The following FLNB variants were observed in gnomAD, a reference collection of about 807,000 sequenced individuals.
FLNB encodes filamin B.
In FLNB, 111 loss-of-function variants were observed where a neutral mutation model predicts 250.6. The observed-to-expected ratio is 0.44, with a 90% CI of 0.38 to 0.52. The LOEUF (loss-of-function observed/expected upper bound fraction) is 0.52, where lower values mean the gene tolerates loss of function less well. FLNB is among the 20% of genes least tolerant of loss of function. The pLI is 0.00. For synonymous variants in FLNB, 1,302 were observed against 1,372.1 expected (o/e 0.95, Z 1.13); for missense variants, 2,869 against 3,447.8 (o/e 0.83, Z 4.20).
chr3:58,074,352 C>G (rs538706531), intron 1 of FLNB, among the ~76,000 whole-genome samples: 107 of 152,312 alleles, frequency 7.0e-4, no homozygotes, highest in Middle Eastern at 3.4e-3. Flanking sequence ...GCAGGTCTTG[C>G]TCCCCTAGGA....
intron 1 of FLNB, among the ~76,000 whole-genome samples, chr3:58,042,647 T>A (rs1340183841): frequency 2.0e-5 from 3 of 152,042 alleles, no homozygotes. Context: ...CCCAAGTAGC[T>A]GGGAGGCTAC....
Position 58,164,444 on chromosome 3 carries a change from CTT to C in FLNB, c.7198+1115_7198+1116del, listed in dbSNP as rs1218905791. 1.3e-5 allele frequency: 2 copies of C among 152,282 alleles called. No homozygotes were observed. Among genetic ancestry groups the C allele is most frequent in the Admixed American group, 1.3e-4 (2 of 15,280 alleles). The allele number at this position is 152,282 out of a possible 1,614,324, so 9.4% of individuals were successfully genotyped here. A position where few individuals can be genotyped will look rare whatever the true frequency, so the allele number is the denominator to read the frequency against. On this transcript the variant is annotated intron_variant, in intron 43 of 45. Coordinates refer to ENST00000295956, the MANE Select transcript of FLNB (RefSeq NM_001457.4). The surrounding 1 kb of genome is among the most constrained non-coding windows in gnomAD (Gnocchi z 4.0). ...CAGTATGTCCTGGTTTCTTGAGTCT[CTT>C]GTGTGTGTACCCCCACCCCGCATAA...
chr3:58,045,064 T>A (rs1381499070), intron 1 of FLNB, among the ~76,000 whole-genome samples: 2 of 152,220 alleles, frequency 1.3e-5, no homozygotes, highest in African/African-American at 4.8e-5. Context: ...TTTGTAGGGA[T>A]GAGCCTGGGT....
chr3:58,082,730 C>T (rs1384963278), intron 4 of FLNB, among the ~76,000 whole-genome samples: 5 of 151,694 alleles, frequency 3.3e-5, no homozygotes, highest in African/African-American at 1.2e-4. Flanking sequence ...GAGATCTTGC[C>T]ACTGCACTCC....
At chr3:58,127,238 G>A (rs994397064) in intron 24 of FLNB, among the ~76,000 whole-genome samples, 12 of 151,614 alleles carry the variant, frequency 7.9e-5, no homozygotes, top group Admixed American at 6.6e-4. Flanking sequence ...GTGATGGGAC[G>A]ATGTCTGAGA....
chr3:58,095,731 A>G (rs1017988743), intron 5 of FLNB, among the ~76,000 whole-genome samples: 6 of 152,186 alleles, frequency 3.9e-5, no homozygotes, highest in Non-Finnish European at 8.8e-5. Context: ...TTGCAATTCT[A>G]AGTTTACAGA....
intron 4 of FLNB, among the ~76,000 whole-genome samples, chr3:58,084,573 T>TC (rs34942479): frequency 1.3e-4 from 19 of 151,124 alleles, no homozygotes; most frequent in African/African-American, 4.4e-4. Flanking sequence ...AATTTTTTTT[T>TC]ATATGTGTGC....
intron 20 of FLNB, among the ~76,000 whole-genome samples, chr3:58,121,770 C>T (rs2097289130): frequency 6.6e-6 from 1 of 152,166 alleles, no homozygotes; most frequent in Non-Finnish European, 1.5e-5. Context: ...CACTACAAAG[C>T]CAGCCTGTAA....
rs138736092 is a variant in FLNB at position 58,169,414 on chromosome 3, T to C, written c.7418-176T>C. 0.013 allele frequency: 8,635 copies of C among 645,624 alleles called. 94 individuals carry two copies. Among genetic ancestry groups the C allele is most frequent in the Non-Finnish European group, 0.019 (6,531 of 352,350 alleles). 40.0% of individuals were successfully genotyped at this position (645,624 alleles called of 1,614,324 possible). A position where few individuals can be genotyped will look rare whatever the true frequency, so the allele number is the denominator to read the frequency against. ...AAGCCAGATCCTAGTTGTATGGGGGTGGGATCCTAGGGGTTTAGAAGACAT... is the reference window on the plus strand; with the variant it reads ...AAGCCAGATCCTAGTTGTATGGGGGCGGGATCCTAGGGGTTTAGAAGACAT... On this transcript the variant is annotated intron_variant, in intron 44 of 45. Coordinates refer to ENST00000295956, the MANE Select transcript of FLNB (RefSeq NM_001457.4). This position sits in a 1 kb window ranked among gnomAD's most constrained non-coding sequence, Gnocchi z 4.8.
At chr3:58,070,622 A>G (rs2097192828) in intron 1 of FLNB, among the ~76,000 whole-genome samples, 1 of 149,616 alleles carries the variant, frequency 6.7e-6, no homozygotes, top group African/African-American at 2.5e-5. Context: ...GGCCTTGGTA[A>G]CTTGTGTCAA....
At chr3:58,076,717 C>G (rs776813321) in intron 1 of FLNB, among the ~76,000 whole-genome samples, 3 of 152,048 alleles carry the variant, frequency 2.0e-5, no homozygotes, top group Non-Finnish European at 2.9e-5. Context: ...GCCTCGGCCT[C>G]CCAAAAGTGC....
chr3:58,156,877 C>T (rs539864601), intron 41 of FLNB, among the ~76,000 whole-genome samples: 31 of 152,166 alleles, frequency 2.0e-4, no homozygotes, highest in African/African-American at 5.8e-4. Flanking sequence ...TTGGATTTTT[C>T]GTAGAGATGG....
rs1396437130 is a variant in FLNB, at chr3:58,163,268, G to C, written c.7136G>C (p.Gly2379Ala). ...SPFKVRVGEP[G>A]QAGNPALVSA... ...TTCAAAGTGCGCGTTGGGGAGCCTG[G>C]ACAAGCGGGGAACCCTGCCCTGGTG... The change falls in exon 43 of 46, where the codon GGA (glycine) becomes GCA (alanine). Residue 2379 changes from glycine (G) to alanine (A), a missense_variant. Coordinates refer to ENST00000295956, the MANE Select transcript of FLNB (RefSeq NM_001457.4). The C allele has an allele frequency of 1.2e-6, 2 of 1,614,252 alleles. No homozygotes were observed. Among genetic ancestry groups the C allele is most frequent in the East Asian group, 4.5e-5 (2 of 44,890 alleles).
At chr3:58,148,564 A>G in intron 35 of FLNB, 85 bp from the exon 36 acceptor site, 1 of 1,308,216 alleles carries the variant, frequency 7.6e-7, no homozygotes, top group South Asian at 1.2e-5. Context: ...AGGAAAGAGG[A>G]CATATTTCTA....
Position 58,121,758 on chromosome 3 carries a change from C to T in FLNB, c.3126+255C>T, listed in dbSNP as rs1476130243. Among the ~76,000 whole-genome samples the T allele has an allele frequency of 5.3e-5, 8 of 152,282 alleles. No homozygotes were observed. In the East Asian group the frequency reaches 1.5e-3, roughly 29 times the overall value. ...TTCGCTTGTTAGCATAATCACAGTC[C>T]TCACTACAAAGCCAGCCTGTAAGGG... On this transcript the variant is annotated intron_variant, in intron 20 of 45. Transcript: ENST00000295956.
chr3:58,097,896 A>G lies in FLNB; in HGVS notation c.1066A>G (p.Lys356Glu). The G allele has an allele frequency of 6.2e-7, 1 of 1,614,188 alleles. No homozygotes were observed. The highest frequency in any genetic ancestry group is 8.5e-7 in the Non-Finnish European group (1 of 1,180,014). ...SVDKAQGDASKVTAKGPGLEA... is the reference protein window; with the variant it reads ...SVDKAQGDASEVTAKGPGLEA... The stretch of plus-strand genomic sequence containing the variant: ...TGACAAGGCCCAGGGAGATGCCAGT[A>G]AAGTCACTGCAAAAGGTCCAGGGTT... The change falls in exon 7 of 46, where the codon AAA becomes GAA. Residue 356 changes from lysine (K) to glutamate (E), a missense_variant. By Grantham distance (56) the Lys-to-Glu change is moderately conservative (BLOSUM62 1). Coordinates refer to ENST00000295956, the MANE Select transcript of FLNB (RefSeq NM_001457.4).
intron 1 of FLNB, among the ~76,000 whole-genome samples, chr3:58,033,238 C>A (rs1339696060): frequency 6.6e-6 from 1 of 152,192 alleles, no homozygotes; most frequent in Non-Finnish European, 1.5e-5. Flanking sequence ...CCCTATCCAG[C>A]CCCAGAAGTT....
intron 1 of FLNB, among the ~76,000 whole-genome samples, chr3:58,032,232 CTGTT>C (rs1330632588): frequency 3.3e-5 from 5 of 152,114 alleles, no homozygotes; most frequent in Admixed American, 1.3e-4. Flanking sequence ...TGTGCCCGGC[CTGTT>C]TGTTTGTTTT....
At position 58,099,427 on chromosome 3, in the gene FLNB, A is replaced by G. The variant is rs148271064; in HGVS notation, c.1345+519A>G. On this transcript the variant is annotated intron_variant, in intron 8 of 45. Transcript: ENST00000295956. ...ACAAGGCATCAGCAGGGCTAGAACCACAGACTCTGTTGGCCTTACCCTTAA... is the reference window on the plus strand; with the variant it reads ...ACAAGGCATCAGCAGGGCTAGAACCGCAGACTCTGTTGGCCTTACCCTTAA... Among the ~76,000 whole-genome samples the G allele has an allele frequency of 2.5e-3, 381 of 152,306 alleles. 4 individuals carry two copies. Among genetic ancestry groups the G allele is most frequent in the African/African-American group, 8.9e-3 (368 of 41,572 alleles).
Sources: gnomAD v4.1 joint callset for allele counts (sites outside exome capture counted in the v4.1 genomes callset) on GRCh38, gnomAD v4.1.1 for gene constraint, Gnocchi (gnomAD v3.1) non-coding constraint, MANE v1.5 for transcripts, NCBI Gene and HGNC (gene_info 2026-07-23, HGNC 2026-07-21) for gene names.